The following DMXL1 variants were observed in gnomAD, a reference collection of about 807,000 sequenced individuals.
DMXL1 encodes dmX-like protein 1.
In DMXL1, 99 loss-of-function variants were observed where a neutral mutation model predicts 319.2. The ratio of observed to expected loss-of-function variants is 0.31; its 90% CI spans 0.26 to 0.37. The LOEUF (loss-of-function observed/expected upper bound fraction) is 0.37, where lower values mean the gene tolerates loss of function less well. Among genes scored for constraint, DMXL1 ranks in the 10% least tolerant of loss-of-function variants. The pLI is 1.00. For synonymous variants in DMXL1, 1,385 were observed against 1,235.2 expected, an observed-to-expected ratio of 1.12 and a Z score of -2.54; for missense variants, 3,745 against 3,595.6, an observed-to-expected ratio of 1.04 and a Z score of -1.06.
chr5:119,237,515 A>G (rs1787977298), intron 40 of DMXL1, 101 bp downstream of exon 40: 3 of 700,340 alleles, frequency 4.3e-6, no homozygotes, highest in Admixed American at 2.1e-5. Flanking sequence ...AATAAATAAA[A>G]TATAGTCCTG....
chr5:119,168,989 C>G (rs1774008104), intron 23 of DMXL1, among the ~76,000 whole-genome samples: 3 of 152,166 alleles, frequency 2.0e-5, no homozygotes, highest in African/African-American at 7.2e-5. Flanking sequence ...GCAGCTTCCA[C>G]CTCCCAAGCT....
At chr5:119,084,128 C>CT (rs544079959) in intron 1 of DMXL1, among the ~76,000 whole-genome samples, 230 of 147,824 alleles carry the variant, frequency 1.6e-3, no homozygotes, top group Middle Eastern at 7.0e-3. Context: ...CCCCTCACCC[C>CT]TTTTTTTTTT....
At chr5:119,174,325 A>G (rs887652046) in intron 25 of DMXL1, among the ~76,000 whole-genome samples, 1 of 147,486 alleles carries the variant, frequency 6.8e-6, no homozygotes, top group African/African-American at 2.5e-5. Context: ...CGGAACTCAC[A>G]CTTCACTTCT....
intron 34 of DMXL1, among the ~76,000 whole-genome samples, chr5:119,214,339 A>C (rs1581369296): frequency 6.6e-6 from 1 of 152,128 alleles, no homozygotes; most frequent in African/African-American, 2.4e-5. Context: ...CTACTGCCCT[A>C]ATCCAACCCA....
intron 28 of DMXL1, among the ~76,000 whole-genome samples, chr5:119,181,953 A>G (rs920913013): frequency 6.6e-6 from 1 of 152,210 alleles, no homozygotes; most frequent in Non-Finnish European, 1.5e-5. Flanking sequence ...AACCAAGACA[A>G]GGAACTACTA....
rs1405190017 is a variant in DMXL1, at chr5:119,170,483, C to T, written c.5692C>T (p.Leu1898=). The change falls in exon 24 of 44, where the codon CTG becomes TTG. Residue 1898 remains leucine, a synonymous_variant. Transcript: ENST00000539542. ...TRPFYRASSF[L]DTSKDCSPSS... is the part of the protein sequence containing the mutation. ...ACCTTTTTATAGGGCTTCTAGTTTT[C>T]TGGATACTAGTAAAGACTGTTCTCC... 6.2e-7 allele frequency: 1 copy of T among 1,613,656 alleles called. No homozygotes were observed. Among genetic ancestry groups the T allele is most frequent in the Non-Finnish European group, 8.5e-7 (1 of 1,179,868 alleles).
At chr5:119,110,535 C>A (rs1397059535) in intron 5 of DMXL1, among the ~76,000 whole-genome samples, 2 of 152,066 alleles carry the variant, frequency 1.3e-5, no homozygotes, top group East Asian at 1.9e-4. Flanking sequence ...ACAAACTTGC[C>A]AAATTATATG....
Position 119,105,895 on chromosome 5 carries a change from CAA to C in DMXL1, c.364+652_364+653del, listed in dbSNP as rs560106066. Reference sequence around the variant, plus strand: ...CTGGGCAACAAGAGTGAAACTGTCTCAAAAAAAAAAAAAAAAGGAAGAAAATA... The same window carrying C: ...CTGGGCAACAAGAGTGAAACTGTCTCAAAAAAAAAAAAAAGGAAGAAAATA... On this transcript the variant is annotated intron_variant, in intron 4 of 43. Transcript: ENST00000539542. 6.5e-4 allele frequency among the ~76,000 whole-genome samples: 50 copies of C among 76,700 alleles called. 1 individual carries two copies. The highest frequency in any genetic ancestry group is 5.0e-3 in the South Asian group (12 of 2,414). The allele number at this position is 76,700 out of a possible 152,430, so 50.3% of individuals were successfully genotyped here.
At chr5:119,185,278 T>C (rs1275985538) in intron 28 of DMXL1, among the ~76,000 whole-genome samples, 4 of 152,292 alleles carry the variant, frequency 2.6e-5, no homozygotes, top group Admixed American at 2.6e-4. Flanking sequence ...TGTAGTATTT[T>C]CCTTCCATAT....
At chr5:119,209,769 T>C (rs1782412952) in intron 34 of DMXL1, among the ~76,000 whole-genome samples, 1 of 152,240 alleles carries the variant, frequency 6.6e-6, no homozygotes, top group African/African-American at 2.4e-5. Context: ...ATCACATGCT[T>C]ATTTGCCATT....
chr5:119,165,291 A>G lies in DMXL1; in HGVS notation c.4970+11A>G, dbSNP rs778659074. 8 of 1,170,996 alleles carry G rather than the reference A, an allele frequency of 6.8e-6. No individual in the cohort carries two copies. In the Middle Eastern group the frequency reaches 8.7e-4, roughly 128 times the overall value. The allele number at this position is 1,170,996 out of a possible 1,614,324, so 72.5% of individuals were successfully genotyped here. A position where few individuals can be genotyped will look rare whatever the true frequency, so the allele number is the denominator to read the frequency against. Reference sequence around the variant, plus strand: ...TTGGGGATTATATAGGTAGGTAAAAAAAAAAAAAAAAAAGGGTGCTTCAAT... The same window carrying G: ...TTGGGGATTATATAGGTAGGTAAAAGAAAAAAAAAAAAAGGGTGCTTCAAT... On this transcript the variant is annotated intron_variant, in intron 21 of 43. Transcript: ENST00000539542.
chr5:119,193,756 C>T lies in DMXL1; in HGVS notation c.7315-72C>T, dbSNP rs1482573277. ...TATCTGCAAATGAGATGAATTATTACTATTAGACTGTATGTTTGAATGTAT... is the reference window on the plus strand; with the variant it reads ...TATCTGCAAATGAGATGAATTATTATTATTAGACTGTATGTTTGAATGTAT... On this transcript the variant is annotated intron_variant, in intron 29 of 43. Transcript: ENST00000539542. 4.3e-5 allele frequency: 60 copies of T among 1,410,494 alleles called. No individual in the cohort carries two copies. The South Asian group carries it at 6.0e-4, about 14-fold the overall frequency. The allele number at this position is 1,410,494 out of a possible 1,614,324, so 87.4% of individuals were successfully genotyped here. A position where few individuals can be genotyped will look rare whatever the true frequency, so the allele number is the denominator to read the frequency against.
chr5:119,215,427 C>T (rs147261979), intron 34 of DMXL1, among the ~76,000 whole-genome samples: 3 of 152,240 alleles, frequency 2.0e-5, no homozygotes, highest in African/African-American at 7.2e-5. Context: ...CGTGCCTCAG[C>T]CACTCAAGTA....
Position 119,133,398 on chromosome 5 carries a change from T to C in DMXL1, c.1569+13T>C, listed in dbSNP as rs1369387364. 1 of 1,603,160 alleles carries C rather than the reference T, an allele frequency of 6.2e-7. No homozygotes were observed. Among genetic ancestry groups the C allele is most frequent in the African/African-American group, 1.3e-5 (1 of 74,612 alleles). ...TCGTCAAGTACAGGTACTACTGTTATTTCTGGAGAGCTACTTCCTTGTTTA... is the reference window on the plus strand; with the variant it reads ...TCGTCAAGTACAGGTACTACTGTTACTTCTGGAGAGCTACTTCCTTGTTTA... On this transcript the variant is annotated intron_variant, in intron 11 of 43. Coordinates refer to ENST00000539542, the MANE Select transcript of DMXL1 (RefSeq NM_001290321.3).
intron 19 of DMXL1, among the ~76,000 whole-genome samples, chr5:119,155,553 G>A (rs1770821250): frequency 6.6e-6 from 1 of 152,122 alleles, no homozygotes; most frequent in Non-Finnish European, 1.5e-5. Flanking sequence ...TAAAACTTCA[G>A]CAGAGCCAGG....
intron 28 of DMXL1, among the ~76,000 whole-genome samples, chr5:119,188,863 T>A (rs759130667): frequency 5.9e-5 from 9 of 152,258 alleles, no homozygotes; most frequent in Non-Finnish European, 1.3e-4. Flanking sequence ...CCAAATTGTA[T>A]TACAGCACAA....
At chr5:119,203,079 T>C (rs572208112) in intron 32 of DMXL1, among the ~76,000 whole-genome samples, 1 of 152,080 alleles carries the variant, frequency 6.6e-6, no homozygotes, top group Non-Finnish European at 1.5e-5. Context: ...AGGGATACTT[T>C]ACCTGTACAT....
intron 43 of DMXL1, among the ~76,000 whole-genome samples, 197 bp downstream of exon 43, chr5:119,244,773 A>G (rs1789446457): frequency 6.6e-6 from 1 of 152,236 alleles, no homozygotes; most frequent in South Asian, 2.1e-4. Flanking sequence ...GTTGTTTGAA[A>G]ATATGTTTAA....
chr5:119,157,209 T>C (rs1167251425), intron 19 of DMXL1, among the ~76,000 whole-genome samples: 8 of 152,212 alleles, frequency 5.3e-5, no homozygotes, highest in Admixed American at 2.0e-4. Context: ...GTTCTTGATA[T>C]ATTTTGGATA....
Sources: gnomAD v4.1 joint callset for allele counts (sites outside exome capture counted in the v4.1 genomes callset) on GRCh38, gnomAD v4.1.1 for gene constraint, MANE v1.5 for transcripts, NCBI Gene and HGNC (gene_info 2026-07-23, HGNC 2026-07-21) for gene names.